Variants in PCED1A observed in about 807,000 individuals in gnomAD.
PCED1A encodes PC-esterase domain-containing protein 1A.
In PCED1A, 20 loss-of-function variants were observed where a neutral mutation model predicts 41.9. The ratio of observed to expected loss-of-function variants is 0.48; its 90% confidence interval spans 0.34 to 0.69. The LOEUF is 0.69. Among genes scored for constraint, PCED1A ranks in the 30% least tolerant of loss-of-function variants. PCED1A has a pLI of 0.01. For missense variants in PCED1A, 498 were observed against 602.1 expected (o/e 0.83, Z 1.81); for synonymous variants, 236 against 241.3 (o/e 0.98, Z 0.20).
Position 2,839,868 on chromosome 20 carries a change from T to C in PCED1A, c.45A>G (p.Arg15=), listed in dbSNP as rs1390239497. The part of the protein sequence containing the change: ...LSSEEPRRPL[R]SDMVHFQASE... ...AGGCCTGGAAGTGGACCATGTCGCTTCGCAGCGGGCGGCGCGGCTCCTCGC... is the reference window on the plus strand; with the variant it reads ...AGGCCTGGAAGTGGACCATGTCGCTCCGCAGCGGGCGGCGCGGCTCCTCGC... Residue 15 remains arginine (R), a synonymous_variant, in exon 2 of 8, where the codon CGA becomes CGG. Coordinates refer to ENST00000360652, the MANE Select transcript of PCED1A (RefSeq NM_022760.6). 1.9e-6 allele frequency: 3 copies of C among 1,614,124 alleles called. No homozygotes were observed. Among genetic ancestry groups the C allele is most frequent in the Non-Finnish European group, 2.5e-6 (3 of 1,180,010 alleles).
chr20:2,839,395 G>A (rs1568617570), intron 2 of PCED1A, 124 bp from the exon 3 acceptor site: 7 of 881,942 alleles, frequency 7.9e-6, no homozygotes, highest in Non-Finnish European at 1.2e-5. Flanking sequence ...TGACTTAGAC[G>A]CAGGAGAAAA....
At position 2,839,918 on chromosome 20, in the gene PCED1A, C is replaced by T. The variant is rs553170871; in HGVS notation, c.-6G>A. 18 of 1,610,768 alleles carry T rather than the reference C, an allele frequency of 1.1e-5. No individual in the cohort carries two copies. The East Asian group carries it at 2.2e-4, about 20-fold the overall frequency. ...CTCGACAGACAGAAGACCATGCCGC[C>T]ACCAGCAACGACAGGCTGCAGGGAG... On this transcript the variant is annotated 5_prime_UTR_variant, in exon 2 of 8. Transcript: ENST00000360652.
intron 6 of PCED1A, among the ~76,000 whole-genome samples, chr20:2,837,389 G>A (rs1394820304): frequency 6.6e-6 from 1 of 152,098 alleles, no homozygotes; most frequent in Non-Finnish European, 1.5e-5. Context: ...ATACAATTCT[G>A]TTGATACTGT....
intron 6 of PCED1A, among the ~76,000 whole-genome samples, chr20:2,837,750 A>G (rs2088859691): frequency 6.6e-6 from 1 of 152,156 alleles, no homozygotes; most frequent in Non-Finnish European, 1.5e-5. Context: ...CCTATGGAAC[A>G]CTGTCCATTG....
Position 2,835,492 on chromosome 20 carries a change from A to G in PCED1A, c.1335T>C (p.Pro445=). ...CAGGCCATGTCCCCGAATGGGCAGG[A>G]GGCCGTCTGTCCAGTTTGTATGTGT... is the stretch of plus-strand genomic sequence containing the variant. ...LIHTYKLDRR[P]PAHSGTWPG is the part of the protein sequence containing the mutation. The change falls in exon 8 of 8, where the codon CCT becomes CCC. Residue 445 remains proline, a synonymous_variant. Coordinates refer to ENST00000360652, the MANE Select transcript of PCED1A (RefSeq NM_022760.6). The G allele has an allele frequency of 6.2e-7, 1 of 1,612,908 alleles. No individual in the cohort carries two copies.
upstream of PCED1A, chr20:2,840,930 C>G (rs1599960999): frequency 9.4e-7 from 1 of 1,060,948 alleles, no homozygotes; most frequent in Non-Finnish European, 1.3e-6. Flanking sequence ...GCGCTGGGGT[C>G]CGCCCCGCGC....
In PCED1A at chr20:2,840,580, C is replaced by A; in HGVS notation, c.-391G>T. The A allele has an allele frequency of 3.2e-6, 2 of 625,538 alleles. No homozygotes were observed. Among genetic ancestry groups the A allele is most frequent in the South Asian group, 1.9e-5 (1 of 52,398 alleles). 38.7% of individuals were successfully genotyped at this position (625,538 alleles called of 1,614,324 possible). On this transcript the variant is annotated 5_prime_UTR_variant, in exon 1 of 8. Coordinates refer to ENST00000360652, the MANE Select transcript of PCED1A (RefSeq NM_022760.6). ...ACAGGGCGCAGGAGCCAGGGCTGGG[C>A]CCACTTGGCGGGCGCGAAGCCCAGG... is the stretch of plus-strand genomic sequence containing the variant.
intron 6 of PCED1A, 95 bp from the exon 7 acceptor site, chr20:2,836,409 G>C (rs892957142): frequency 4.5e-6 from 5 of 1,117,264 alleles, no homozygotes; most frequent in Admixed American, 1.7e-5. Context: ...CTTCCTCTTG[G>C]AGAGCAGAGC....
chr20:2,835,603 T>C lies in PCED1A; in HGVS notation c.1224A>G (p.Pro408=). 1 of 1,613,828 alleles carries C rather than the reference T, an allele frequency of 6.2e-7. No individual in the cohort carries two copies. The highest frequency in any genetic ancestry group is 8.5e-7 in the Non-Finnish European group (1 of 1,179,742). The change falls in exon 8 of 8, where the codon CCA becomes CCG. Residue 408 remains proline, a synonymous_variant. Transcript: ENST00000360652. ...HWGPVVHRGM[P]RYVPNSPYHV... is the part of the protein sequence containing the mutation. ...GGTAGGGGCTGTTAGGAACATAGCG[T>C]GGCATCCCCCGGTGGACCACTGGGC...
chr20:2,839,357 C>G (rs1037998744), intron 2 of PCED1A, 86 bp from the exon 3 acceptor site: 2 of 1,269,980 alleles, frequency 1.6e-6, no homozygotes, highest in Admixed American at 3.9e-5. Flanking sequence ...TTTCCCAGGG[C>G]TGAGGTGCCC....
chr20:2,840,991 G>A, upstream of PCED1A: 2 of 654,240 alleles, frequency 3.1e-6, no homozygotes, highest in South Asian at 3.9e-5. Context: ...TTTGGGCAGG[G>A]AGCCGGGCCT....
chr20:2,839,328 T>C, intron 2 of PCED1A, 57 bp from the exon 3 acceptor site: 1 of 1,543,804 alleles, frequency 6.5e-7, no homozygotes, highest in Non-Finnish European at 8.9e-7. Flanking sequence ...CCCAGCTCCT[T>C]CCAAGTCCAG....
chr20:2,839,739 C>T, intron 2 of PCED1A, 50 bp downstream of exon 2: 1 of 1,602,448 alleles, frequency 6.2e-7, no homozygotes. Context: ...ACACACTGAA[C>T]GGGCTGCAAG....
chr20:2,840,178 CCGCGCATGCGCGCACCCGCT>C lies in PCED1A; in HGVS notation c.-22+13_-22+32del, dbSNP rs528602087. ...GCCTCGCCACGTGCCCGCCGCCGTC[CCGCGCATGCGCGCACCCGCT>C]CGCGCCAATTACCAAGTCCCGGGGC... On this transcript the variant is annotated intron_variant, in intron 1 of 7. Transcript: ENST00000360652. 288 of 349,290 alleles carry C rather than the reference CCGCGCATGCGCGCACCCGCT, an allele frequency of 8.2e-4. 1 individual carries two copies. Among genetic ancestry groups the C allele is most frequent in the African/African-American group, 4.2e-3 (196 of 46,628 alleles). The allele number at this position is 349,290 out of a possible 1,614,324, so 21.6% of individuals were successfully genotyped here. A position where few individuals can be genotyped will look rare whatever the true frequency, so the allele number is the denominator to read the frequency against.
In PCED1A at chr20:2,835,388, C is replaced by A; in HGVS notation, c.*74G>T. The A allele has an allele frequency of 6.5e-7, 1 of 1,529,110 alleles. No homozygotes were observed. The highest frequency in any genetic ancestry group is 2.3e-5 in the East Asian group (1 of 43,458). The allele number at this position is 1,529,110 out of a possible 1,614,324, so 94.7% of individuals were successfully genotyped here. A position where few individuals can be genotyped will look rare whatever the true frequency, so the allele number is the denominator to read the frequency against. ...AACAATACCAGGCATAGCAGACACC[C>A]TAGCCCAGTACCTGAGGTGCCAGGC... On this transcript the variant is annotated 3_prime_UTR_variant, in exon 8 of 8. Transcript: ENST00000360652.
chr20:2,836,313 G>GTCTAGGAATGGGATGGTTGTT lies in PCED1A; in HGVS notation c.842-20_842dup (p.Pro280_Asp281insGluThrThrIleProPheLeu). On this transcript the variant is annotated inframe_insertion and splice_region_variant, in exon 7 of 8. Transcript: ENST00000360652. Reference sequence around the variant, plus strand: ...TCTCTGCCCAGTCCTCAATCCACGGGTCTAGGAATGGGATGGTTGTTTTAG... The same window carrying GTCTAGGAATGGGATGGTTGTT: ...TCTCTGCCCAGTCCTCAATCCACGGGTCTAGGAATGGGATGGTTGTTTCTAGGAATGGGATGGTTGTTTTAG... 6.2e-7 allele frequency: 1 copy of GTCTAGGAATGGGATGGTTGTT among 1,613,646 alleles called. No individual in the cohort carries two copies.
In PCED1A at chr20:2,838,913, A is replaced by G; in HGVS notation, c.374T>C (p.Leu125Pro). 1 of 1,614,134 alleles carries G rather than the reference A, an allele frequency of 6.2e-7. No individual in the cohort carries two copies. Residue 125 changes from leucine to proline, a missense_variant, in exon 4 of 8, where the codon CTG becomes CCG. Around this residue, in one of 2 missense-constraint regions of PCED1A, gnomAD observed 253 missense variants for 369.7 expected, o/e 0.68. Coordinates refer to ENST00000360652, the MANE Select transcript of PCED1A (RefSeq NM_022760.6). The surrounding 1 kb of genome is among the most constrained non-coding windows in gnomAD (Gnocchi z 5.8). ...GGCAGGTCCATATGTCAGCTCTTCC[A>G]GAACATCCTCAAGGTACTCGGAGTA... ...RVYSEYLEDV[L>P]EELTYGPAPD...
Position 2,838,252 on chromosome 20 carries a change from G to A in PCED1A, c.821C>T (p.Pro274Leu). 6.2e-7 allele frequency: 1 copy of A among 1,614,190 alleles called. No individual in the cohort carries two copies. The highest frequency in any genetic ancestry group is 8.5e-7 in the Non-Finnish European group (1 of 1,180,028). Residue 274 changes from proline (P) to leucine (L), a missense_variant, in exon 6 of 8, where the codon CCC becomes CTC. Physicochemically the swap from Pro to Leu is moderately conservative, Grantham distance 98. Around this residue, in one of 2 missense-constraint regions of PCED1A, gnomAD observed 253 missense variants for 369.7 expected, o/e 0.68. Transcript: ENST00000360652. The surrounding 1 kb of genome is among the most constrained non-coding windows in gnomAD (Gnocchi z 5.8). ...CTCACCAGGGGGATAGCCACGCTTG[G>A]GCAGCTCCACGCCCCAGGCGTCAGC... ...HVADAWGVEL[P>L]KRGYPPDPWI...
At position 2,835,581 on chromosome 20, in the gene PCED1A, A is replaced by G. The variant is rs768862556; in HGVS notation, c.1246T>C (p.Tyr416His). ...GGCCCCCCCATTCTCCGCACATGGTAGGGGCTGTTAGGAACATAGCGTGGC... is the reference window on the plus strand; with the variant it reads ...GGCCCCCCCATTCTCCGCACATGGTGGGGGCTGTTAGGAACATAGCGTGGC... Reference protein sequence around the residue: ...GMPRYVPNSPYHVRRMGGPCR... With the variant: ...GMPRYVPNSPHHVRRMGGPCR... The change falls in exon 8 of 8, where the codon TAC becomes CAC. Residue 416 changes from tyrosine to histidine, a missense_variant. By Grantham distance (83) the Tyr-to-His change is moderately conservative. Coordinates refer to ENST00000360652, the MANE Select transcript of PCED1A (RefSeq NM_022760.6). 2.2e-5 allele frequency: 36 copies of G among 1,614,050 alleles called. No homozygotes were observed. Among genetic ancestry groups the G allele is most frequent in the Non-Finnish European group, 2.9e-5 (34 of 1,180,018 alleles).
Sources: gnomAD v4.1 joint callset for allele counts (sites outside exome capture counted in the v4.1 genomes callset) on GRCh38, gnomAD v4.1.1 for gene constraint, gnomAD v4.1.1 regional missense constraint, Gnocchi (gnomAD v3.1) non-coding constraint, MANE v1.5 for transcripts, NCBI Gene and HGNC (gene_info 2026-07-23, HGNC 2026-07-21) for gene names.